The following ANXA3 variants were observed in gnomAD, a reference collection of about 807,000 sequenced individuals.
ANXA3 encodes the protein 35-alpha calcimedin.
ANXA3 carries 46 observed loss-of-function variants against 48.8 expected under a neutral mutation model. The ratio of observed to expected loss-of-function variants is 0.94; its 90% confidence interval spans 0.74 to 1.21. The LOEUF (loss-of-function observed/expected upper bound fraction) is 1.21, where lower values mean the gene tolerates loss of function less well. Among genes scored for constraint, ANXA3 ranks in the 50% most tolerant of loss-of-function variants. ANXA3 has a pLI of 0.00. For missense variants in ANXA3, 383 were observed against 378.6 expected (o/e 1.01, Z -0.10); for synonymous variants, 128 against 134.7 (o/e 0.95, Z 0.35).
intron 6 of ANXA3, among the ~76,000 whole-genome samples, chr4:78,589,787 C>T (rs1202083726): frequency 1.3e-5 from 2 of 152,168 alleles, no homozygotes; most frequent in Non-Finnish European, 2.9e-5. Context: ...TGTTGGCCCT[C>T]ATAAAGGGAC....
intron 3 of ANXA3, among the ~76,000 whole-genome samples, chr4:78,576,796 G>A (rs1367105165): frequency 1.3e-5 from 2 of 152,200 alleles, no homozygotes; most frequent in Non-Finnish European, 1.5e-5. Context: ...TCATAACGGT[G>A]TTTGCATTAG....
Position 78,604,290 on chromosome 4 carries a change from A to T in ANXA3, c.803A>T (p.Asp268Val). 1 of 1,611,582 alleles carries T rather than the reference A, an allele frequency of 6.2e-7. No individual in the cohort carries two copies. The highest frequency in any genetic ancestry group is 1.3e-5 in the African/African-American group (1 of 75,004). The change falls in exon 12 of 13, where the codon GAT becomes GTT. Residue 268 changes from aspartate (D) to valine (V), a missense_variant. Coordinates refer to ENST00000264908, the MANE Select transcript of ANXA3 (RefSeq NM_005139.3). ...LHRALKGIGT[D>V]EFTLNRIMVS... ...ATTCCTTAACAGGGTATTGGAACTGATGAGTTTACTCTGAACCGAATAATG... is the reference window on the plus strand; with the variant it reads ...ATTCCTTAACAGGGTATTGGAACTGTTGAGTTTACTCTGAACCGAATAATG...
intron 6 of ANXA3, among the ~76,000 whole-genome samples, chr4:78,590,464 A>G (rs2109942157): frequency 6.6e-6 from 1 of 152,312 alleles, no homozygotes; most frequent in South Asian, 2.1e-4. Flanking sequence ...ATTTAAATAG[A>G]TGAGAATTCT....
At chr4:78,591,646 T>A (rs10003947) in intron 7 of ANXA3, 23 bp downstream of exon 7, 1,056,916 of 1,583,070 alleles carry the variant, frequency 0.67, 358,264 homozygotes, top group East Asian at 0.88. Context: ...TTTTTATTTT[T>A]TAACTCCCCA....
At chr4:78,594,811 T>G (rs1419456212) in intron 7 of ANXA3, among the ~76,000 whole-genome samples, 1 of 152,184 alleles carries the variant, frequency 6.6e-6, no homozygotes, top group Non-Finnish European at 1.5e-5. Context: ...GTTCTCCCAG[T>G]TTGTACCTTG....
chr4:78,559,325 C>A (rs550249829), intron 2 of ANXA3, among the ~76,000 whole-genome samples: 1 of 152,200 alleles, frequency 6.6e-6, no homozygotes, highest in Non-Finnish European at 1.5e-5. Flanking sequence ...TCAGCTGATC[C>A]ACCCACATTG....
chr4:78,571,834 T>A (rs1722847054), intron 2 of ANXA3, among the ~76,000 whole-genome samples: 1 of 152,234 alleles, frequency 6.6e-6, no homozygotes, highest in African/African-American at 2.4e-5. Context: ...GCTTCTAATT[T>A]ACATGCTTAA....
intron 2 of ANXA3, chr4:78,570,998 T>TTTTC (rs542845722): frequency 3.4e-4 from 51 of 152,174 alleles, no homozygotes; most frequent in African/African-American, 9.9e-4. Context: ...GACTAATTTA[T>TTTTC]TTTCTTTCTT....
chr4:78,576,848 T>C lies in ANXA3; in HGVS notation c.104-2179T>C, dbSNP rs561416084. On this transcript the variant is annotated intron_variant, in intron 3 of 12. Transcript: ENST00000264908. ...GTCTCTGAACCTGAGGCATCTTGGC[T>C]TAGTTTTTGATCTTGGGCATGTTTA... is the stretch of plus-strand genomic sequence containing the variant. 5.9e-5 allele frequency among the ~76,000 whole-genome samples: 9 copies of C among 152,318 alleles called. No homozygotes were observed. In the South Asian group the frequency reaches 1.9e-3, roughly 32 times the overall value.
chr4:78,559,500 G>T (rs1324724941), intron 2 of ANXA3, among the ~76,000 whole-genome samples: 2 of 152,094 alleles, frequency 1.3e-5, no homozygotes, highest in Non-Finnish European at 1.5e-5. Flanking sequence ...TACAAAATGA[G>T]GAAAGGGAAT....
intron 6 of ANXA3, among the ~76,000 whole-genome samples, chr4:78,587,751 A>G (rs1339992490): frequency 6.6e-6 from 1 of 152,200 alleles, no homozygotes; most frequent in East Asian, 1.9e-4. Flanking sequence ...TCTAATCAGA[A>G]AAACAGAAAC....
At chr4:78,572,376 C>T (rs1371049398) in intron 2 of ANXA3, among the ~76,000 whole-genome samples, 1 of 152,174 alleles carries the variant, frequency 6.6e-6, no homozygotes, top group African/African-American at 2.4e-5. Flanking sequence ...AAAATCAGTC[C>T]ACTGAGACCA....
intron 3 of ANXA3, among the ~76,000 whole-genome samples, 176 bp from the exon 4 acceptor site, chr4:78,578,851 C>CT (rs1157953957): frequency 8.4e-6 from 1 of 119,606 alleles, no homozygotes; most frequent in Non-Finnish European, 1.6e-5. Context: ...CTCAGGCAAA[C>CT]AAAATAAATA....
chr4:78,593,612 C>T (rs9996290), intron 7 of ANXA3, among the ~76,000 whole-genome samples: 11,057 of 147,752 alleles, frequency 0.075, 1,319 homozygotes, highest in African/African-American at 0.27. Context: ...ATTCTACTCT[C>T]TCCTTTCCTT....
At chr4:78,558,348 C>T (rs1039950829) in intron 2 of ANXA3, among the ~76,000 whole-genome samples, 2 of 152,240 alleles carry the variant, frequency 1.3e-5, no homozygotes, top group African/African-American at 4.8e-5. Context: ...GAACTATACA[C>T]TTAGAAATGG....
intron 6 of ANXA3, among the ~76,000 whole-genome samples, chr4:78,588,181 A>G (rs1160982046): frequency 6.6e-6 from 1 of 152,122 alleles, no homozygotes; most frequent in African/African-American, 2.4e-5. Context: ...TGCGTGAGCC[A>G]AGGAGTTTAA....
intron 2 of ANXA3, among the ~76,000 whole-genome samples, chr4:78,555,153 T>G (rs969398297): frequency 6.6e-6 from 1 of 152,120 alleles, no homozygotes; most frequent in African/African-American, 2.4e-5. Context: ...TGCAGTGAGC[T>G]GAGATCATGC....
At chr4:78,580,591 A>G (rs577068409) in intron 4 of ANXA3, among the ~76,000 whole-genome samples, 6 of 152,122 alleles carry the variant, frequency 3.9e-5, no homozygotes, top group East Asian at 1.9e-4. Flanking sequence ...CTGTGGGGGG[A>G]AAAGGTACAA....
intron 3 of ANXA3, 76 bp downstream of exon 3, chr4:78,573,343 T>C: frequency 9.3e-7 from 1 of 1,075,466 alleles, no homozygotes; most frequent in South Asian, 1.3e-5. Context: ...TTCAGTTTGC[T>C]CAGATTGGCT....
Sources: allele counts gnomAD v4.1 joint callset (sites outside exome capture counted in the v4.1 genomes callset), GRCh38; gene constraint gnomAD v4.1.1; transcripts MANE v1.5; gene names NCBI Gene and HGNC (gene_info 2026-07-23, HGNC 2026-07-21).